The following FARP1 variants were observed in gnomAD, a reference collection of about 807,000 sequenced individuals.
FARP1 encodes the protein FERM, ARH/RhoGEF and pleckstrin domain protein 1, also known as FERM, ARHGEF and pleckstrin domain-containing protein 1.
In FARP1, 52 loss-of-function variants were observed where a neutral mutation model predicts 128.8. The observed-to-expected ratio is 0.40, with a 90% CI of 0.32 to 0.51. The LOEUF is 0.51. Among genes scored for constraint, FARP1 ranks in the 20% least tolerant of loss-of-function variants. The probability of loss-of-function intolerance (pLI) is 0.45; values close to 1 mark genes in which losing one functional copy is unlikely to be tolerated. For synonymous variants in FARP1, 580 were observed against 551.8 expected, an observed-to-expected ratio of 1.05 and a Z score of -0.72; for missense variants, 1,333 against 1,367.9, an observed-to-expected ratio of 0.97 and a Z score of 0.40.
chr13:98,441,456 G>A (rs775691215), intron 24 of FARP1, among the ~76,000 whole-genome samples: 20 of 152,260 alleles, frequency 1.3e-4, no homozygotes, highest in Admixed American at 6.5e-4. Flanking sequence ...AGAACAGGGC[G>A]CCGTGGGGAG....
chr13:98,144,377 T>G (rs1316737681), intron 1 of FARP1, among the ~76,000 whole-genome samples: 3 of 152,184 alleles, frequency 2.0e-5, no homozygotes, highest in Non-Finnish European at 2.9e-5. Flanking sequence ...TGGTATCTGA[T>G]CAGTTCGTGG....
Position 98,209,472 on chromosome 13 carries a change from ATTTT to A in FARP1, c.-23-3727_-23-3724del, listed in dbSNP as rs534634730. Reference sequence around the variant, plus strand: ...GAGACAGACTATCTGGGGAGGAAAGATTTTTTTTTTTTTTTTTTTTTTTTAAGGA... The same window carrying A: ...GAGACAGACTATCTGGGGAGGAAAGATTTTTTTTTTTTTTTTTTTTAAGGA... On this transcript the variant is annotated intron_variant, in intron 1 of 26. Transcript: ENST00000319562. 5.0e-3 allele frequency among the ~76,000 whole-genome samples: 531 copies of A among 106,432 alleles called. 2 individuals are homozygous for A. Among genetic ancestry groups the A allele is most frequent in the East Asian group, 0.015 (53 of 3,594 alleles). 69.8% of individuals were successfully genotyped at this position (106,432 alleles called of 152,430 possible). A position where few individuals can be genotyped will look rare whatever the true frequency, so the allele number is the denominator to read the frequency against.
intron 3 of FARP1, among the ~76,000 whole-genome samples, chr13:98,365,024 A>G (rs1889025607): frequency 6.6e-6 from 1 of 152,248 alleles, no homozygotes; most frequent in South Asian, 2.1e-4. Flanking sequence ...ACATCTATGT[A>G]TTCTGTTTCA....
In FARP1 at chr13:98,379,122, AAT is replaced by A. The variant is rs570719713; in HGVS notation, c.496+1214_496+1215del. ...TATATATAATATATAATCTATATAT[AAT>A]ATATATATAATATATAATCTATATA... On this transcript the variant is annotated intron_variant, in intron 6 of 26. Transcript: ENST00000319562. 6.7e-3 allele frequency among the ~76,000 whole-genome samples: 364 copies of A among 54,132 alleles called. 74 individuals are homozygous for A. Among genetic ancestry groups the A allele is most frequent in the African/African-American group, 0.04 (223 of 5,612 alleles). 35.5% of individuals were successfully genotyped at this position (54,132 alleles called of 152,430 possible).
chr13:98,278,139 CTT>C (rs1884751554), intron 2 of FARP1, among the ~76,000 whole-genome samples: 1 of 151,804 alleles, frequency 6.6e-6, no homozygotes, highest in Non-Finnish European at 1.5e-5. Context: ...CACAGTGAGA[CTT>C]TAATATCCAG....
intron 2 of FARP1, among the ~76,000 whole-genome samples, chr13:98,290,426 G>A (rs531196204): frequency 1.3e-5 from 2 of 152,040 alleles, no homozygotes; most frequent in South Asian, 4.2e-4. Context: ...AAATGTCCAA[G>A]TTTTAGAGAG....
chr13:98,285,337 C>G (rs1452371648), intron 2 of FARP1, among the ~76,000 whole-genome samples: 1 of 152,118 alleles, frequency 6.6e-6, no homozygotes, highest in African/African-American at 2.4e-5. Context: ...TGTGTGTTTT[C>G]TCGTCATGAA....
At chr13:98,186,321 T>C (rs1878867501) in intron 1 of FARP1, among the ~76,000 whole-genome samples, 1 of 152,048 alleles carries the variant, frequency 6.6e-6, no homozygotes, top group Non-Finnish European at 1.5e-5. Flanking sequence ...TTGATCAGGC[T>C]GATCTTGAAC....
At chr13:98,165,613 A>G (rs1877189579) in intron 1 of FARP1, among the ~76,000 whole-genome samples, 1 of 148,486 alleles carries the variant, frequency 6.7e-6, no homozygotes, top group South Asian at 2.2e-4. Flanking sequence ...ACACTTCAGC[A>G]TCATTAGTAA....
At chr13:98,267,683 A>C (rs9556922) in intron 2 of FARP1, among the ~76,000 whole-genome samples, 4 of 152,176 alleles carry the variant, frequency 2.6e-5, no homozygotes, top group Admixed American at 2.6e-4. Context: ...ACGGGAATCC[A>C]GACAGTGTAT....
intron 5 of FARP1, 93 bp downstream of exon 5, chr13:98,368,288 A>G: frequency 1.1e-6 from 1 of 922,064 alleles, no homozygotes; most frequent in Non-Finnish European, 1.8e-6. Context: ...ACATTTTCAT[A>G]ATGTTTACTT....
chr13:98,438,127 T>G (rs1297658765), intron 19 of FARP1, among the ~76,000 whole-genome samples: 3 of 152,196 alleles, frequency 2.0e-5, no homozygotes, highest in Admixed American at 6.5e-5. Context: ...TTTTAAGTGC[T>G]TGTGCCCCTG....
chr13:98,255,842 A>G (rs937284530), intron 2 of FARP1, among the ~76,000 whole-genome samples: 2 of 152,190 alleles, frequency 1.3e-5, no homozygotes, highest in African/African-American at 4.8e-5. Flanking sequence ...CTCATGTGGG[A>G]AGTTCTCTTA....
At chr13:98,437,988 G>A in intron 19 of FARP1, 3 of 729,732 alleles carry the variant, frequency 4.1e-6, no homozygotes, top group Non-Finnish European at 6.8e-6. Flanking sequence ...TGGGATCGGA[G>A]GCGCCTGAGG....
intron 9 of FARP1, among the ~76,000 whole-genome samples, chr13:98,388,946 A>G (rs1890202799): frequency 6.6e-6 from 1 of 152,128 alleles, no homozygotes; most frequent in Non-Finnish European, 1.5e-5. Context: ...ACTTCCCACA[A>G]CACGCCTAAC....
rs1005214317 is a variant in FARP1 at position 98,398,731 on chromosome 13, G to A, written c.1414+3255G>A. 4.6e-5 allele frequency: 7 copies of A among 152,310 alleles called. 1 individual carries two copies. The highest frequency in any genetic ancestry group is 1.3e-4 in the Admixed American group (2 of 15,310). The allele number at this position is 152,310 out of a possible 1,614,324, so 9.4% of individuals were successfully genotyped here. ...TAGGAAAAATGTCAATTTGCTATGA[G>A]TGTTCAGTGAAGTGTGAGTTAAACA... On this transcript the variant is annotated intron_variant, in intron 13 of 26. Transcript: ENST00000319562.
chr13:98,323,925 G>A (rs1477543573), intron 2 of FARP1, among the ~76,000 whole-genome samples: 2 of 152,134 alleles, frequency 1.3e-5, no homozygotes, highest in Non-Finnish European at 2.9e-5. Context: ...GAGCAATTAA[G>A]TACTCAAGAA....
intron 2 of FARP1, among the ~76,000 whole-genome samples, chr13:98,284,652 C>CTATT (rs3086419): frequency 0.98 from 148,833 of 152,252 alleles, 72,760 homozygotes; most frequent in East Asian, 1. Context: ...TCTCAAGTAT[C>CTATT]TGAGTTACTG....
At chr13:98,310,535 T>C (rs1886412886) in intron 2 of FARP1, among the ~76,000 whole-genome samples, 1 of 152,216 alleles carries the variant, frequency 6.6e-6, no homozygotes, top group Non-Finnish European at 1.5e-5. Flanking sequence ...GCTATTTTGC[T>C]AATTTATAAA....
Sources: allele counts gnomAD v4.1 joint callset (sites outside exome capture counted in the v4.1 genomes callset), GRCh38; gene constraint gnomAD v4.1.1; transcripts MANE v1.5; gene names NCBI Gene and HGNC (gene_info 2026-07-23, HGNC 2026-07-21).